The following LAIR2 variants were observed in gnomAD, a reference collection of about 807,000 sequenced individuals.
The protein encoded by LAIR2 is leukocyte associated immunoglobulin like receptor 2.
In LAIR2, 14 loss-of-function variants were observed where a neutral mutation model predicts 14.8. The ratio of observed to expected loss-of-function variants is 0.95; its 90% CI spans 0.62 to 1.48. LAIR2 has a LOEUF of 1.48. Among genes scored for constraint, LAIR2 ranks in the 40% most tolerant of loss-of-function variants. LAIR2 has a pLI of 0.00. For missense variants in LAIR2, 172 were observed against 180.9 expected (o/e 0.95, Z 0.28); for synonymous variants, 75 against 74.5 (o/e 1.01, Z -0.03).
At chr19:54,503,366 G>C (rs1406521092) in intron 1 of LAIR2, among the ~76,000 whole-genome samples, 1 of 152,010 alleles carries the variant, frequency 6.6e-6, no homozygotes, top group Non-Finnish European at 1.5e-5. Context: ...GCTGAGGCAG[G>C]AGAATTGCTT....
At chr19:54,504,123 A>AT (rs56696276) in intron 2 of LAIR2, among the ~76,000 whole-genome samples, 7,346 of 143,326 alleles carry the variant, frequency 0.051, 253 homozygotes, top group Middle Eastern at 0.1. Context: ...CCCCTGGCTA[A>AT]TTTTTTTTTT....
chr19:54,508,280 G>T, intron 3 of LAIR2, 96 bp downstream of exon 3: 1 of 1,266,290 alleles, frequency 7.9e-7, no homozygotes. Flanking sequence ...TCCTCTCTCT[G>T]TGGCCACCGT....
intron 2 of LAIR2, among the ~76,000 whole-genome samples, chr19:54,506,416 T>C (rs1373735552): frequency 7.2e-6 from 1 of 138,890 alleles, no homozygotes; most frequent in Non-Finnish European, 1.5e-5. Flanking sequence ...CTTGTTTCCT[T>C]TGAGGAATTT....
chr19:54,504,123 A>ATTT (rs56696276), intron 2 of LAIR2, among the ~76,000 whole-genome samples: 13,614 of 143,198 alleles, frequency 0.095, 908 homozygotes, highest in East Asian at 0.33. Flanking sequence ...CCCCTGGCTA[A>ATTT]TTTTTTTTTT....
intron 2 of LAIR2, among the ~76,000 whole-genome samples, chr19:54,506,361 T>C (rs1320424993): frequency 6.6e-6 from 1 of 152,202 alleles, no homozygotes; most frequent in Non-Finnish European, 1.5e-5. Context: ...GTCACCGTGT[T>C]GTACATGATG....
At position 54,505,756 on chromosome 19, in the gene LAIR2, C is replaced by G. The variant is rs192850714; in HGVS notation, c.70+2021C>G. Among the ~76,000 whole-genome samples, 407 of 152,174 alleles carry G rather than the reference C, an allele frequency of 2.7e-3. 2 individuals are homozygous for G. The highest frequency in any genetic ancestry group is 9.2e-3 in the African/African-American group (384 of 41,530). On this transcript the variant is annotated intron_variant, in intron 2 of 4. Coordinates refer to ENST00000301202, the MANE Select transcript of LAIR2 (RefSeq NM_002288.6). Reference sequence around the variant, plus strand: ...GGGCTCACTCATCTCTACATTCCTCCAGGTTCTTTCGCTTTCTCAAACACT... The same window carrying G: ...GGGCTCACTCATCTCTACATTCCTCGAGGTTCTTTCGCTTTCTCAAACACT...
chr19:54,503,028 C>G lies in LAIR2; in HGVS notation c.34+76C>G, dbSNP rs367613500. On this transcript the variant is annotated intron_variant, in intron 1 of 4. Transcript: ENST00000301202. ...GAAAGTTCCCTGCTCAAGCCTGACT[C>G]TAGTCCAGAAGATTCTGGGGAGGAA... is the stretch of plus-strand genomic sequence containing the variant. 156 of 1,391,140 alleles carry G rather than the reference C, an allele frequency of 1.1e-4. 2 individuals carry two copies. In the African/African-American group the frequency reaches 1.8e-3, roughly 16 times the overall value. 86.2% of individuals were successfully genotyped at this position (1,391,140 alleles called of 1,614,324 possible).
At chr19:54,504,841 C>T (rs2085335425) in intron 2 of LAIR2, among the ~76,000 whole-genome samples, 1 of 152,068 alleles carries the variant, frequency 6.6e-6, no homozygotes, top group Admixed American at 6.6e-5. Flanking sequence ...AACTCCTGAC[C>T]TCAGGTGATC....
chr19:54,502,848 C>T lies in LAIR2; in HGVS notation c.-71C>T. The stretch of plus-strand genomic sequence containing the variant: ...TGTGAGGCAGTTGCTGTGGAAGCCC[C>T]ACGGGCAGGAGGCCCCCGGCCAGCA... On this transcript the variant is annotated 5_prime_UTR_variant, in exon 1 of 5. Coordinates refer to ENST00000301202, the MANE Select transcript of LAIR2 (RefSeq NM_002288.6). The T allele has an allele frequency of 6.3e-7, 1 of 1,597,332 alleles. No individual in the cohort carries two copies. The highest frequency in any genetic ancestry group is 1.1e-5 in the South Asian group (1 of 90,690).
intron 2 of LAIR2, among the ~76,000 whole-genome samples, chr19:54,507,425 C>T (rs979630190): frequency 2.6e-5 from 4 of 152,096 alleles, no homozygotes; most frequent in South Asian, 2.1e-4. Flanking sequence ...ACCCCCGTCC[C>T]ACACTCAGTC....
chr19:54,503,704 C>T lies in LAIR2; in HGVS notation c.39C>T (p.Leu13=). 6.2e-7 allele frequency: 1 copy of T among 1,613,994 alleles called. No homozygotes were observed. Among genetic ancestry groups the T allele is most frequent in the Non-Finnish European group, 8.5e-7 (1 of 1,179,950 alleles). ...TCACTGGGGCTTCTCTTCCAGTGCT[C>T]TGCCTGGCCCAGACCATCCACACGC... ...PHLTALLGLV[L]CLAQTIHTQE... Residue 13 remains leucine, a synonymous_variant, in exon 2 of 5, where the codon CTC becomes CTT. Coordinates refer to ENST00000301202, the MANE Select transcript of LAIR2 (RefSeq NM_002288.6).
rs890489895 is a variant in LAIR2, at chr19:54,503,585, G to C, written c.35-115G>C. On this transcript the variant is annotated intron_variant, in intron 1 of 4. Coordinates refer to ENST00000301202, the MANE Select transcript of LAIR2 (RefSeq NM_002288.6). ...GAGACAGTGATGTCGAGGAGGGTTG[G>C]CTTGGTCGTTATGAAATGCTGAATG... 5.9e-5 allele frequency: 76 copies of C among 1,277,890 alleles called. No homozygotes were observed. The African/African-American group carries it at 1.0e-3, about 17-fold the overall frequency. 79.2% of individuals were successfully genotyped at this position (1,277,890 alleles called of 1,614,324 possible). A position where few individuals can be genotyped will look rare whatever the true frequency, so the allele number is the denominator to read the frequency against.
Position 54,507,982 on chromosome 19 carries a change from G to A in LAIR2, c.162G>A (p.Gly54=), listed in dbSNP as rs752430500. ...CTTTCATGTGCCGGGGCCCGGTTGG[G>A]GTTCAAACATTCCGCCTGGAGAGGG... ...HVTFMCRGPV[G]VQTFRLERED... Residue 54 remains glycine, a synonymous_variant, in exon 3 of 5, where the codon GGG becomes GGA. Coordinates refer to ENST00000301202, the MANE Select transcript of LAIR2 (RefSeq NM_002288.6). 8.1e-6 allele frequency: 13 copies of A among 1,614,042 alleles called. No individual in the cohort carries two copies. In the Admixed American group the frequency reaches 2.0e-4, roughly 25 times the overall value.
intron 2 of LAIR2, among the ~76,000 whole-genome samples, chr19:54,506,435 T>G (rs1047434529): frequency 6.6e-6 from 1 of 152,222 alleles, no homozygotes; most frequent in African/African-American, 2.4e-5. Flanking sequence ...TTTCCCACTT[T>G]GAGTGCCCTG....
chr19:54,504,086 A>G (rs1445810476), intron 2 of LAIR2, among the ~76,000 whole-genome samples: 3 of 150,714 alleles, frequency 2.0e-5, no homozygotes, highest in Non-Finnish European at 4.4e-5. Flanking sequence ...CCTCCTGAGT[A>G]GCTGGGATTA....
intron 2 of LAIR2, among the ~76,000 whole-genome samples, chr19:54,507,304 C>T (rs2123397292): frequency 6.6e-6 from 1 of 150,700 alleles, no homozygotes. Context: ...GGTGTCTCCA[C>T]AGAGATCTGC....
Position 54,508,118 on chromosome 19 carries a change from C to T in LAIR2, c.298C>T (p.Arg100Cys), listed in dbSNP as rs1360950295. Residue 100 changes from arginine (R) to cysteine (C), a missense_variant, in exon 3 of 5, where the codon CGC becomes TGC. By Grantham distance (180) the Arg-to-Cys change is radical. Coordinates refer to ENST00000301202, the MANE Select transcript of LAIR2 (RefSeq NM_002288.6). ...AAGTGAAGGAAATGCCGGGCTTTAT[C>T]GCTGCCTCTATTATAAGCCCCCTGG... is the stretch of plus-strand genomic sequence containing the variant. ...SVSEGNAGLY[R>C]CLYYKPPGWS... 10 of 1,614,174 alleles carry T rather than the reference C, an allele frequency of 6.2e-6. No individual in the cohort carries two copies. Among genetic ancestry groups the T allele is most frequent in the Non-Finnish European group, 7.6e-6 (9 of 1,180,012 alleles).
intron 2 of LAIR2, among the ~76,000 whole-genome samples, chr19:54,506,357 G>A (rs1294907887): frequency 6.6e-6 from 1 of 152,130 alleles, no homozygotes; most frequent in African/African-American, 2.4e-5. Flanking sequence ...TGTAGTCACC[G>A]TGTTGTACAT....
chr19:54,508,066 A>G lies in LAIR2; in HGVS notation c.246A>G (p.Ser82=), dbSNP rs774920722. The G allele has an allele frequency of 2.4e-5, 39 of 1,614,216 alleles. 1 individual carries two copies. Among genetic ancestry groups the G allele is most frequent in the Non-Finnish European group, 2.8e-5 (33 of 1,180,010 alleles). ...YNVFRLGPSE[S]EARFHIDSVS... is the part of the protein sequence containing the mutation. ...TGTTTCGACTTGGTCCATCTGAGTC[A>G]GAGGCCAGATTCCACATTGACTCAG... Residue 82 remains serine (S), a synonymous_variant, in exon 3 of 5, where the codon TCA becomes TCG. Coordinates refer to ENST00000301202, the MANE Select transcript of LAIR2 (RefSeq NM_002288.6).
Sources: gnomAD v4.1 joint callset for allele counts (sites outside exome capture counted in the v4.1 genomes callset) on GRCh38, gnomAD v4.1.1 for gene constraint, MANE v1.5 for transcripts, NCBI Gene and HGNC (gene_info 2026-07-23, HGNC 2026-07-21) for gene names.